The following SLF1 variants were observed in gnomAD, a reference collection of about 807,000 sequenced individuals.
The protein encoded by SLF1 is SMC5-SMC6 complex localization factor protein 1.
SLF1 carries 105 observed loss-of-function variants against 123.0 expected under a neutral mutation model. The ratio of observed to expected loss-of-function variants is 0.85; its 90% confidence interval spans 0.73 to 1.00. The LOEUF (loss-of-function observed/expected upper bound fraction) is 1.00, where lower values mean the gene tolerates loss of function less well. SLF1 is among the 50% of genes least tolerant of loss of function. The pLI is 0.00. For synonymous variants in SLF1, 434 were observed against 406.6 expected, an observed-to-expected ratio of 1.07 and a Z score of -0.81; for missense variants, 1,239 against 1,223.0, an observed-to-expected ratio of 1.01 and a Z score of -0.20.
At chr5:94,639,037 CTT>C (rs764031689) in intron 4 of SLF1, among the ~76,000 whole-genome samples, 199 of 88,924 alleles carry the variant, frequency 2.2e-3, no homozygotes, top group Non-Finnish European at 3.1e-3. Flanking sequence ...CTTTTCTTCC[CTT>C]TTTTTTTTTT....
chr5:94,653,139 G>A (rs1252645794), intron 7 of SLF1, 133 bp from the exon 8 acceptor site: 8 of 837,224 alleles, frequency 9.6e-6, no homozygotes, highest in Non-Finnish European at 1.4e-5. Context: ...TTACAGGCAT[G>A]AGCCACCGCG....
At chr5:94,673,313 C>G (rs1750677175) in intron 14 of SLF1, among the ~76,000 whole-genome samples, 2 of 151,972 alleles carry the variant, frequency 1.3e-5, no homozygotes, top group Non-Finnish European at 2.9e-5. Flanking sequence ...ATAATTTGTT[C>G]TCTTTTTTTT....
rs5869632 is a variant in SLF1 at position 94,629,414 on chromosome 5, C to CAA, written c.190+256_190+257dup. Among the ~76,000 whole-genome samples the CAA allele has an allele frequency of 3.7e-4, 54 of 147,136 alleles. No individual in the cohort carries two copies. The East Asian group carries it at 0.01, about 28-fold the overall frequency. On this transcript the variant is annotated intron_variant, in intron 3 of 20. Coordinates refer to ENST00000265140, the MANE Select transcript of SLF1 (RefSeq NM_032290.4). ...AGGATTTAGTGTGTTTTGTTTAAGACAAAAAAAAAATACATTAATGAAAAG... is the reference window on the plus strand; with the variant it reads ...AGGATTTAGTGTGTTTTGTTTAAGACAAAAAAAAAAAATACATTAATGAAAAG...
intron 11 of SLF1, among the ~76,000 whole-genome samples, chr5:94,665,010 T>G (rs1749577515): frequency 6.6e-6 from 1 of 152,158 alleles, no homozygotes; most frequent in African/African-American, 2.4e-5. Context: ...GGGAAAAAAA[T>G]TTCCTTCACT....
At chr5:94,674,702 C>T (rs1190880948) in intron 14 of SLF1, among the ~76,000 whole-genome samples, 1 of 152,172 alleles carries the variant, frequency 6.6e-6, no homozygotes, top group Non-Finnish European at 1.5e-5. Context: ...TAATGTCAAT[C>T]AGCAAGTATT....
intron 11 of SLF1, among the ~76,000 whole-genome samples, chr5:94,664,177 G>T (rs1290141597): frequency 2.0e-5 from 3 of 152,180 alleles, no homozygotes; most frequent in African/African-American, 7.2e-5. Context: ...TCTCACGGCA[G>T]TAAAGTATCA....
chr5:94,661,737 A>G (rs1749145726), intron 9 of SLF1, among the ~76,000 whole-genome samples: 2 of 152,020 alleles, frequency 1.3e-5, no homozygotes, highest in African/African-American at 4.8e-5. Context: ...GGGTTTTGCC[A>G]TGTTGGCCAG....
intron 9 of SLF1, among the ~76,000 whole-genome samples, chr5:94,655,840 A>AT (rs527320241): frequency 6.6e-4 from 98 of 149,058 alleles, no homozygotes; most frequent in African/African-American, 1.7e-3. Context: ...GTTTTAAGTG[A>AT]TTTTTTTTTT....
Position 94,693,037 on chromosome 5 carries a change from T to A in SLF1, c.2695+781T>A, listed in dbSNP as rs563085190. 3.9e-5 allele frequency among the ~76,000 whole-genome samples: 6 copies of A among 152,288 alleles called. No homozygotes were observed. In the South Asian group the frequency reaches 1.2e-3, roughly 32 times the overall value. On this transcript the variant is annotated intron_variant, in intron 20 of 20. Coordinates refer to ENST00000265140, the MANE Select transcript of SLF1 (RefSeq NM_032290.4). ...GGAAACAAAGATTTGTAGAAATTAC[T>A]TGTCGTTTTTATTTGTATTAATTTT...
At chr5:94,672,404 A>G (rs1019345783) in intron 14 of SLF1, among the ~76,000 whole-genome samples, 4 of 151,364 alleles carry the variant, frequency 2.6e-5, no homozygotes, top group African/African-American at 7.3e-5. Context: ...CCTTTTCTTC[A>G]TATTCTTTGT....
intron 4 of SLF1, among the ~76,000 whole-genome samples, chr5:94,635,355 T>C (rs1206154377): frequency 1.3e-5 from 2 of 148,614 alleles, no homozygotes; most frequent in African/African-American, 5.0e-5. Flanking sequence ...TTTTTTTTTT[T>C]TTTTTTGCTT....
rs1374452448 is a variant in SLF1 at position 94,694,885 on chromosome 5, T to C, written c.2750T>C (p.Val917Ala). 5.0e-6 allele frequency: 8 copies of C among 1,607,976 alleles called. No homozygotes were observed. The highest frequency in any genetic ancestry group is 6.8e-6 in the Non-Finnish European group (8 of 1,177,678). Reference sequence around the variant, plus strand: ...AAGGGAGAATTGCCCTTGGATTATGTGGTTTCACCTCAAATCAAAGAAGAA... The same window carrying C: ...AAGGGAGAATTGCCCTTGGATTATGCGGTTTCACCTCAAATCAAAGAAGAA... ...NAKGELPLDY[V>A]VSPQIKEELF... Residue 917 changes from valine (V) to alanine (A), a missense_variant, in exon 21 of 21, where the codon GTG becomes GCG. Transcript: ENST00000265140.
At chr5:94,648,769 C>A (rs530896027) in intron 5 of SLF1, among the ~76,000 whole-genome samples, 2 of 152,184 alleles carry the variant, frequency 1.3e-5, no homozygotes, top group African/African-American at 4.8e-5. Flanking sequence ...CATGAGCCAC[C>A]GTGCCCAGCC....
intron 14 of SLF1, among the ~76,000 whole-genome samples, chr5:94,672,606 A>G (rs977777742): frequency 1.3e-5 from 2 of 151,868 alleles, no homozygotes; most frequent in Admixed American, 6.6e-5. Context: ...TATGTCCAGT[A>G]TATTGTTAAA....
Position 94,695,014 on chromosome 5 carries a change from G to T in SLF1, c.2879G>T (p.Ser960Ile), listed in dbSNP as rs764108199. 4 of 1,612,314 alleles carry T rather than the reference G, an allele frequency of 2.5e-6. No individual in the cohort carries two copies. In the Admixed American group the frequency reaches 6.7e-5, roughly 27 times the overall value. The change falls in exon 21 of 21, where the codon AGT becomes ATT. Residue 960 changes from serine to isoleucine, a missense_variant. Ser to Ile is a moderately radical substitution (Grantham distance 142). Transcript: ENST00000265140. ...CTTGAATTTGGCTCCTTTTTACTTA[G>T]TAGGATGTTGCTAAATTTTTGTTCA... ...QQLEFGSFLLSRMLLNFCSIF... is the reference protein window; with the variant it reads ...QQLEFGSFLLIRMLLNFCSIF...
chr5:94,669,705 A>T (rs1750220277), intron 12 of SLF1, among the ~76,000 whole-genome samples: 1 of 31,412 alleles, frequency 3.2e-5, no homozygotes, highest in Admixed American at 2.6e-4. Flanking sequence ...TAAAAACGCT[A>T]AAAAAGTAGC....
At chr5:94,670,336 A>ATT (rs940665456) in intron 13 of SLF1, 57 bp downstream of exon 13, 9 of 1,066,528 alleles carry the variant, frequency 8.4e-6, no homozygotes, top group South Asian at 2.2e-5. Context: ...TTTATGCACC[A>ATT]TTTTTTTTTT....
At chr5:94,682,088 A>G (rs988453125) in intron 15 of SLF1, among the ~76,000 whole-genome samples, 2 of 152,224 alleles carry the variant, frequency 1.3e-5, no homozygotes, top group African/African-American at 2.4e-5. Flanking sequence ...AAAGGCTTAA[A>G]AACACTTTTC....
In SLF1 at chr5:94,670,984, C is replaced by A; in HGVS notation, c.1803C>A (p.His601Gln). 2 of 1,544,456 alleles carry A rather than the reference C, an allele frequency of 1.3e-6. 1 individual carries two copies. Among genetic ancestry groups the A allele is most frequent in the Middle Eastern group, 3.4e-4 (2 of 5,928 alleles). The change falls in exon 14 of 21, where the codon CAC (histidine) becomes CAA (glutamine). Residue 601 changes from histidine (H) to glutamine (Q), a missense_variant. His to Gln is a conservative substitution (Grantham distance 24). Coordinates refer to ENST00000265140, the MANE Select transcript of SLF1 (RefSeq NM_032290.4). ...NMLLEWTIYS[H>Q]KEKFKSNDVF... ...TTTTGGAATGGACTATATATTCTCA[C>A]AAGGAAAAATTCAAGTCTAATGATG...
Sources: gnomAD v4.1 joint callset for allele counts (sites outside exome capture counted in the v4.1 genomes callset) on GRCh38, gnomAD v4.1.1 for gene constraint, MANE v1.5 for transcripts, NCBI Gene and HGNC (gene_info 2026-07-23, HGNC 2026-07-21) for gene names.